PCSK2: variants seen among roughly 807,000 people sequenced by gnomAD.
The protein encoded by PCSK2 is neuroendocrine convertase 2.
In PCSK2, 14 loss-of-function variants were observed where a neutral mutation model predicts 69.7. The observed-to-expected ratio is 0.20, with a 90% confidence interval of 0.13 to 0.31. PCSK2 has a LOEUF of 0.31. Among genes scored for constraint, PCSK2 ranks in the 10% least tolerant of loss-of-function variants. The pLI is 1.00. For synonymous variants in PCSK2, 307 were observed against 320.7 expected (o/e 0.96, Z 0.46); for missense variants, 544 against 842.5 (o/e 0.65, Z 4.39).
chr20:17,370,992 T>A (rs1252524139), intron 5 of PCSK2, among the ~76,000 whole-genome samples: 3 of 152,144 alleles, frequency 2.0e-5, no homozygotes, highest in Admixed American at 2.0e-4. Context: ...GACAGAGGCA[T>A]TGATATTCTC....
chr20:17,436,982 TG>T, intron 8 of PCSK2, 99 bp downstream of exon 8: 1 of 1,065,702 alleles, frequency 9.4e-7, no homozygotes, highest in Non-Finnish European at 1.3e-6. Flanking sequence ...ACCCTGTGTG[TG>T]AGTCCAGGTC....
chr20:17,340,581 T>G (rs1208030588), intron 2 of PCSK2, among the ~76,000 whole-genome samples: 1 of 152,248 alleles, frequency 6.6e-6, no homozygotes, highest in African/African-American at 2.4e-5. Flanking sequence ...TCTTCAATTT[T>G]ACTGCTTATC....
chr20:17,366,019 C>A (rs372995000), intron 4 of PCSK2, among the ~76,000 whole-genome samples: 67 of 152,296 alleles, frequency 4.4e-4, no homozygotes, highest in African/African-American at 1.5e-3. Flanking sequence ...GTCCCACCCC[C>A]ACAGCTCCAC....
intron 2 of PCSK2, among the ~76,000 whole-genome samples, chr20:17,320,212 T>G (rs1250372118): frequency 6.6e-6 from 1 of 152,166 alleles, no homozygotes; most frequent in Non-Finnish European, 1.5e-5. Context: ...CTGCAAAAGG[T>G]GTATGCCCAG....
At chr20:17,261,074 T>A (rs1032704593) in intron 2 of PCSK2, among the ~76,000 whole-genome samples, 1 of 152,178 alleles carries the variant, frequency 6.6e-6, no homozygotes, top group African/African-American at 2.4e-5. Context: ...TGTTCCCACT[T>A]CTTGCCTTTC....
chr20:17,384,074 T>C (rs1033780197), intron 5 of PCSK2, among the ~76,000 whole-genome samples: 1 of 152,140 alleles, frequency 6.6e-6, no homozygotes, highest in Non-Finnish European at 1.5e-5. Context: ...ATTTTGATAT[T>C]TGGGGAAGAA....
chr20:17,341,323 C>T (rs181089359), intron 2 of PCSK2, among the ~76,000 whole-genome samples: 397 of 152,278 alleles, frequency 2.6e-3, no homozygotes, highest in Non-Finnish European at 4.8e-3. Flanking sequence ...ACATTCTGAA[C>T]AAATAAGTGA....
At chr20:17,228,912 G>A (rs1600391660) in intron 1 of PCSK2, among the ~76,000 whole-genome samples, 1 of 152,290 alleles carries the variant, frequency 6.6e-6, no homozygotes, top group East Asian at 1.9e-4. Context: ...AAGCGTGGGT[G>A]GAGCAGGGGA....
intron 1 of PCSK2, among the ~76,000 whole-genome samples, chr20:17,257,984 T>G (rs1332875886): frequency 6.6e-6 from 1 of 152,242 alleles, no homozygotes; most frequent in Admixed American, 6.5e-5. Context: ...CCACTGATTA[T>G]TTTTGACAAA....
At chr20:17,272,196 C>T (rs953261139) in intron 2 of PCSK2, among the ~76,000 whole-genome samples, 2 of 152,150 alleles carry the variant, frequency 1.3e-5, no homozygotes, top group Non-Finnish European at 2.9e-5. Flanking sequence ...TTCCTGATTA[C>T]ACCTCTCTGA....
intron 2 of PCSK2, among the ~76,000 whole-genome samples, chr20:17,305,875 T>C (rs1989311230): frequency 6.6e-6 from 1 of 152,230 alleles, no homozygotes; most frequent in Non-Finnish European, 1.5e-5. Flanking sequence ...CTATGCCATA[T>C]ACACAAAAAC....
intron 1 of PCSK2, among the ~76,000 whole-genome samples, chr20:17,238,298 A>C (rs1568565220): frequency 6.6e-6 from 1 of 151,154 alleles, no homozygotes; most frequent in East Asian, 1.9e-4. Flanking sequence ...AGACCACTGG[A>C]GATTGCTATC....
intron 2 of PCSK2, among the ~76,000 whole-genome samples, chr20:17,277,673 T>A (rs76183207): frequency 0.15 from 19,563 of 132,546 alleles, 1,472 homozygotes; most frequent in Middle Eastern, 0.22. Context: ...GGACTTCATG[T>A]CTAAAACACC....
intron 8 of PCSK2, among the ~76,000 whole-genome samples, chr20:17,450,625 C>T (rs2032804627): frequency 6.6e-6 from 1 of 152,184 alleles, no homozygotes; most frequent in African/African-American, 2.4e-5. Context: ...GATCAAGGCA[C>T]TGGCAGGTTC....
Position 17,293,987 on chromosome 20 carries a change from T to C in PCSK2, c.282+33643T>C, listed in dbSNP as rs528229703. ...CAATTTCTTTTAAGCTTACTGTCTA[T>C]TTAGGTTTCTACCATTTCGTTAGTC... On this transcript the variant is annotated intron_variant, in intron 2 of 11. Transcript: ENST00000262545. Among the ~76,000 whole-genome samples, 24 of 152,280 alleles carry C rather than the reference T, an allele frequency of 1.6e-4. No individual in the cohort carries two copies. In the East Asian group the frequency reaches 4.6e-3, roughly 29 times the overall value.
At chr20:17,278,572 G>A (rs1675755301) in intron 2 of PCSK2, among the ~76,000 whole-genome samples, 1 of 152,120 alleles carries the variant, frequency 6.6e-6, no homozygotes, top group South Asian at 2.1e-4. Flanking sequence ...GACTGTTGTG[G>A]GGTGGGAGGA....
intron 6 of PCSK2, among the ~76,000 whole-genome samples, chr20:17,415,237 G>T (rs1449349262): frequency 6.6e-6 from 1 of 152,184 alleles, no homozygotes; most frequent in Non-Finnish European, 1.5e-5. Flanking sequence ...AAAAAAGGAA[G>T]TCAAATTGTC....
At chr20:17,288,109 T>C (rs1337515476) in intron 2 of PCSK2, among the ~76,000 whole-genome samples, 1 of 152,200 alleles carries the variant, frequency 6.6e-6, no homozygotes, top group African/African-American at 2.4e-5. Context: ...TAAATCCACC[T>C]GATCAAGCTG....
chr20:17,311,290 A>C (rs900775816), intron 2 of PCSK2, among the ~76,000 whole-genome samples: 3 of 152,152 alleles, frequency 2.0e-5, no homozygotes, highest in African/African-American at 4.8e-5. Context: ...TTGGTGCTAA[A>C]TTTGTAAGTT....
Sources: gnomAD v4.1 joint callset for allele counts (sites outside exome capture counted in the v4.1 genomes callset) on GRCh38, gnomAD v4.1.1 for gene constraint, MANE v1.5 for transcripts, NCBI Gene and HGNC (gene_info 2026-07-23, HGNC 2026-07-21) for gene names.